The following PILRB variants were observed in gnomAD, a reference collection of about 807,000 sequenced individuals.
PILRB encodes paired immunoglobin like type 2 receptor beta, also known as paired immunoglobulin-like type 2 receptor beta.
In PILRB, 21 loss-of-function variants were observed where a neutral mutation model predicts 20.5. That is an observed-to-expected ratio of 1.02 (90% CI 0.72 to 1.47). PILRB has a LOEUF of 1.47. PILRB is among the 40% of genes most tolerant of loss of function. The probability of loss-of-function intolerance (pLI) is 0.00; values close to 1 mark genes in which losing one functional copy is unlikely to be tolerated. For missense variants in PILRB, 253 were observed against 272.1 expected, an observed-to-expected ratio of 0.93 and a Z score of 0.49; for synonymous variants, 133 against 115.1, an observed-to-expected ratio of 1.16 and a Z score of -0.99.
chr7:100,359,149 A>G, intron 2 of PILRB, 70 bp downstream of exon 2: 2 of 1,591,068 alleles, frequency 1.3e-6, no homozygotes, highest in Non-Finnish European at 1.7e-6. Flanking sequence ...TGATGTCTTC[A>G]CATTTAAACC....
At chr7:100,360,829 T>C (rs1388801356) in intron 3 of PILRB, among the ~76,000 whole-genome samples, 1 of 152,188 alleles carries the variant, frequency 6.6e-6, no homozygotes, top group African/African-American at 2.4e-5. Flanking sequence ...TCCACTTGGG[T>C]GCATGGGGCT....
Position 100,359,002 on chromosome 7 carries a change from G to T in PILRB, c.377G>T (p.Arg126Leu). The T allele has an allele frequency of 6.2e-7, 1 of 1,614,108 alleles. No individual in the cohort carries two copies. Among genetic ancestry groups the T allele is most frequent in the Non-Finnish European group, 8.5e-7 (1 of 1,180,014 alleles). Residue 126 changes from arginine (R) to leucine (L), a missense_variant, in exon 2 of 4, where the codon CGA becomes CTA. Physicochemically the swap from Arg to Leu is moderately radical, Grantham distance 102. Transcript: ENST00000609309. ...GAGGACCAGTCTGTGTATTTCTGCC[G>T]AGTCGAGCTGGACACCCGGAGATCA... ...RKEDQSVYFC[R>L]VELDTRRSGR...
chr7:100,361,192 T>C (rs1014622534), intron 3 of PILRB, among the ~76,000 whole-genome samples: 3 of 151,998 alleles, frequency 2.0e-5, no homozygotes, highest in Non-Finnish European at 4.4e-5. Context: ...GCCTCGGCCT[T>C]CCAAAGTGCT....
chr7:100,361,675 A>G (rs1487219040), intron 3 of PILRB, among the ~76,000 whole-genome samples: 1 of 152,202 alleles, frequency 6.6e-6, no homozygotes, highest in Non-Finnish European at 1.5e-5. Context: ...CCTGGCTGAT[A>G]GAGCGAGACT....
rs200396412 is a variant in PILRB at position 100,359,552 on chromosome 7, C to T, written c.655+15C>T. Reference sequence around the variant, plus strand: ...GAGAAGGAAAGGTAAGTGCCCAGAACGCACTGTCTCCTCAAGCTTCCCAGC... The same window carrying T: ...GAGAAGGAAAGGTAAGTGCCCAGAATGCACTGTCTCCTCAAGCTTCCCAGC... On this transcript the variant is annotated intron_variant, in intron 3 of 3. Coordinates refer to ENST00000609309, the MANE Select transcript of PILRB (RefSeq NM_178238.4). The T allele has an allele frequency of 9.5e-5, 153 of 1,607,466 alleles. 1 individual carries two copies. The Middle Eastern group carries it at 4.6e-3, about 48-fold the overall frequency.
Position 100,358,673 on chromosome 7 carries a change from C to T in PILRB, c.65-17C>T, listed in dbSNP as rs763754610. On this transcript the variant is annotated splice_polypyrimidine_tract_variant and intron_variant, in intron 1 of 3. Coordinates refer to ENST00000609309, the MANE Select transcript of PILRB (RefSeq NM_178238.4). ...GGTTTCAAGGTCTCTCCCCCACTCA[C>T]TCCCTCCTTCCTCTAGGTGGCTCCA... 3.7e-5 allele frequency: 59 copies of T among 1,611,046 alleles called. No individual in the cohort carries two copies. Among genetic ancestry groups the T allele is most frequent in the Admixed American group, 5.0e-5 (3 of 59,924 alleles).
intron 1 of PILRB, 36 bp downstream of exon 1, chr7:100,358,402 C>T (rs1459428981): frequency 1.2e-6 from 2 of 1,607,250 alleles, no homozygotes; most frequent in Non-Finnish European, 1.7e-6. Flanking sequence ...TGGTCTCTGC[C>T]CAAACCACAG....
At chr7:100,365,603 G>A (rs1419082210) in intron 3 of PILRB, among the ~76,000 whole-genome samples, 2 of 152,264 alleles carry the variant, frequency 1.3e-5, no homozygotes, top group Admixed American at 6.5e-5. Flanking sequence ...TGGATCACTT[G>A]AGGCCTGGAG....
At chr7:100,361,253 C>A (rs760215545) in intron 3 of PILRB, among the ~76,000 whole-genome samples, 2 of 151,970 alleles carry the variant, frequency 1.3e-5, no homozygotes, top group Non-Finnish European at 2.9e-5. Context: ...ATCTGTTATA[C>A]GGGAGATCCA....
intron 3 of PILRB, among the ~76,000 whole-genome samples, chr7:100,365,808 ACT>A (rs973300792): frequency 3.3e-5 from 5 of 151,934 alleles, no homozygotes; most frequent in East Asian, 1.9e-4. Flanking sequence ...ACACAGCAAG[ACT>A]CTGTCTCAAA....
At chr7:100,366,914 CG>C (rs901679976) in intron 3 of PILRB, among the ~76,000 whole-genome samples, 92 of 151,910 alleles carry the variant, frequency 6.1e-4, no homozygotes, top group African/African-American at 2.1e-3. Flanking sequence ...GAGAACAGGT[CG>C]GGGGGGAGCC....
chr7:100,365,909 CTG>C (rs1043261503), intron 3 of PILRB, among the ~76,000 whole-genome samples: 7 of 150,010 alleles, frequency 4.7e-5, no homozygotes, highest in Non-Finnish European at 8.8e-5. Flanking sequence ...CACTGCCAAA[CTG>C]TACACTAAGC....
At chr7:100,362,163 G>A (rs1242124686) in intron 3 of PILRB, among the ~76,000 whole-genome samples, 2 of 152,048 alleles carry the variant, frequency 1.3e-5, no homozygotes, top group Non-Finnish European at 2.9e-5. Flanking sequence ...GGTAGGGTGG[G>A]ATAATGACCA....
intron 3 of PILRB, among the ~76,000 whole-genome samples, chr7:100,366,199 C>G (rs540746921): frequency 6.6e-6 from 1 of 152,230 alleles, no homozygotes; most frequent in East Asian, 1.9e-4. Context: ...GGTGATCTGC[C>G]CACCTTGGCC....
intron 3 of PILRB, 135 bp from the exon 4 acceptor site, chr7:100,367,214 C>A: frequency 1.2e-6 from 1 of 841,230 alleles, no homozygotes; most frequent in East Asian, 2.4e-5. Flanking sequence ...TGCTAAGAAC[C>A]CCACAAGCCC....
At chr7:100,361,488 T>TC (rs1790526161) in intron 3 of PILRB, among the ~76,000 whole-genome samples, 3 of 152,064 alleles carry the variant, frequency 2.0e-5, no homozygotes, top group African/African-American at 4.8e-5. Flanking sequence ...GGTCAGGCGT[T>TC]CAAGACCAGC....
rs779969278 is a variant in PILRB at position 100,359,098 on chromosome 7, A to T, written c.454+19A>T. 6.8e-6 allele frequency: 11 copies of T among 1,613,578 alleles called. No homozygotes were observed. The highest frequency in any genetic ancestry group is 9.3e-6 in the Non-Finnish European group (11 of 1,179,962). On this transcript the variant is annotated intron_variant, in intron 2 of 3. Coordinates refer to ENST00000609309, the MANE Select transcript of PILRB (RefSeq NM_178238.4). ...ACCCAGGGTGAGTCCAGCTGCCCTG[A>T]CACCTGCCTTGCCCACCGCAGTGAG... is the stretch of plus-strand genomic sequence containing the variant.
chr7:100,365,252 G>T (rs536612894), intron 3 of PILRB, among the ~76,000 whole-genome samples: 1 of 152,058 alleles, frequency 6.6e-6, no homozygotes, highest in Admixed American at 6.6e-5. Flanking sequence ...CACCCACCTC[G>T]GCCTTCCAAA....
chr7:100,363,970 TG>T (rs2130116622), intron 3 of PILRB, among the ~76,000 whole-genome samples: 1 of 152,048 alleles, frequency 6.6e-6, no homozygotes, highest in South Asian at 2.1e-4. Context: ...TAGCCAGGCG[TG>T]GTGGCGCATG....
Sources: allele counts gnomAD v4.1 joint callset (sites outside exome capture counted in the v4.1 genomes callset), GRCh38; gene constraint gnomAD v4.1.1; transcripts MANE v1.5; gene names NCBI Gene and HGNC (gene_info 2026-07-23, HGNC 2026-07-21).